Variants in UBASH3A observed in about 807,000 individuals in gnomAD.
The protein encoded by UBASH3A is ubiquitin associated and SH3 domain containing A, also known as ubiquitin-associated and SH3 domain-containing protein A.
A neutral mutation model predicts 73.5 loss-of-function variants in UBASH3A; 63 were observed. That is an observed-to-expected ratio of 0.86 (90% CI 0.70 to 1.06). UBASH3A has a LOEUF of 1.06. UBASH3A is among the 50% of genes least tolerant of loss of function. The probability of loss-of-function intolerance (pLI) is 0.00; values close to 1 mark genes in which losing one functional copy is unlikely to be tolerated. For synonymous variants in UBASH3A, 363 were observed against 351.1 expected, an observed-to-expected ratio of 1.03 and a Z score of -0.38; for missense variants, 860 against 859.0, an observed-to-expected ratio of 1.00 and a Z score of -0.02.
chr21:42,408,806 C>T (rs1361763845), intron 2 of UBASH3A, among the ~76,000 whole-genome samples: 1 of 151,398 alleles, frequency 6.6e-6, no homozygotes, highest in Non-Finnish European at 1.5e-5. Flanking sequence ...TTGCTTGAAC[C>T]GGAGAGGTGG....
At position 42,416,594 on chromosome 21, in the gene UBASH3A, C is replaced by A; in HGVS notation, c.820C>A (p.Arg274Ser). The A allele has an allele frequency of 1.9e-6, 3 of 1,595,148 alleles. No homozygotes were observed. Among genetic ancestry groups the A allele is most frequent in the Non-Finnish European group, 2.6e-6 (3 of 1,171,120 alleles). Reference protein sequence around the residue: ...WTAALYSRDMRFVHYQTLRAL... With the variant: ...WTAALYSRDMSFVHYQTLRAL... Reference sequence around the variant, plus strand: ...CGCAGCACTCTACTCCCGAGACATGCGCTTTGTGCACTACCAGGTGAGAGA... The same window carrying A: ...CGCAGCACTCTACTCCCGAGACATGAGCTTTGTGCACTACCAGGTGAGAGA... The change falls in exon 6 of 15, where the codon CGC (arginine) becomes AGC (serine). Residue 274 changes from arginine (R) to serine (S), a missense_variant. By Grantham distance (110) the Arg-to-Ser change is moderately radical. Transcript: ENST00000319294.
At chr21:42,443,472 C>G in intron 13 of UBASH3A, 54 bp downstream of exon 13, 1 of 1,461,858 alleles carries the variant, frequency 6.8e-7, no homozygotes, top group Non-Finnish European at 9.2e-7. Context: ...GGGGAATTAT[C>G]TCTGAGATGG....
rs186608231 is a variant in UBASH3A at position 42,416,437 on chromosome 21, C to T, written c.668-5C>T. The T allele has an allele frequency of 1.9e-6, 3 of 1,561,654 alleles. No homozygotes were observed. The African/African-American group carries it at 4.2e-5, about 22-fold the overall frequency. ...GGCACCCTCTGTGTTTCCCTGATTTCACAGACTGCTCCGTGAAGCCTTGCA... is the reference window on the plus strand; with the variant it reads ...GGCACCCTCTGTGTTTCCCTGATTTTACAGACTGCTCCGTGAAGCCTTGCA... On this transcript the variant is annotated splice_region_variant and splice_polypyrimidine_tract_variant and intron_variant, in intron 5 of 14. Coordinates refer to ENST00000319294, the MANE Select transcript of UBASH3A (RefSeq NM_018961.4).
chr21:42,444,204 T>A (rs2053805644), intron 13 of UBASH3A, among the ~76,000 whole-genome samples: 1 of 152,124 alleles, frequency 6.6e-6, no homozygotes, highest in African/African-American at 2.4e-5. Flanking sequence ...CTAAAGTGAA[T>A]CAGGTCTGGC....
chr21:42,437,043 A>G (rs1407913989), intron 10 of UBASH3A, among the ~76,000 whole-genome samples: 1 of 152,160 alleles, frequency 6.6e-6, no homozygotes. Flanking sequence ...CAGTGGGAGG[A>G]CTGAGGTCTG....
chr21:42,442,038 G>A (rs1295606099), intron 11 of UBASH3A, among the ~76,000 whole-genome samples: 1 of 152,142 alleles, frequency 6.6e-6, no homozygotes, highest in East Asian at 1.9e-4. Flanking sequence ...TGCCTCATGA[G>A]GCCAACATTC....
chr21:42,438,725 G>T (rs934265963), intron 11 of UBASH3A, among the ~76,000 whole-genome samples: 2 of 152,178 alleles, frequency 1.3e-5, no homozygotes, highest in East Asian at 3.9e-4. Flanking sequence ...GGTGATCTGA[G>T]TGAGGCTCAA....
At chr21:42,423,684 C>A (rs565560876) in intron 7 of UBASH3A, among the ~76,000 whole-genome samples, 8 of 152,344 alleles carry the variant, frequency 5.3e-5, no homozygotes, top group Non-Finnish European at 1.0e-4. Context: ...CATCAGACAC[C>A]TGCCATCAAC....
At position 42,418,629 on chromosome 21, in the gene UBASH3A, G is replaced by A; in HGVS notation, c.1046+20G>A. 1 of 1,604,918 alleles carries A rather than the reference G, an allele frequency of 6.2e-7. No individual in the cohort carries two copies. Among genetic ancestry groups the A allele is most frequent in the Non-Finnish European group, 8.5e-7 (1 of 1,174,658 alleles). The stretch of plus-strand genomic sequence containing the variant: ...GCACAGGTGAGTGCTGCCTCTGGCT[G>A]CAGCCCCGTCATCTCTCTCTGAGTT... On this transcript the variant is annotated intron_variant, in intron 7 of 14. Transcript: ENST00000319294.
At chr21:42,415,717 C>G (rs967727154) in intron 5 of UBASH3A, among the ~76,000 whole-genome samples, 39 of 152,208 alleles carry the variant, frequency 2.6e-4, no homozygotes, top group African/African-American at 8.9e-4. Context: ...CCCAGAGGCT[C>G]AGTCAAGGTC....
At chr21:42,418,375 G>A (rs367786889) in intron 6 of UBASH3A, 26 bp from the exon 7 acceptor site, 7 of 1,598,608 alleles carry the variant, frequency 4.4e-6, no homozygotes, top group African/African-American at 2.7e-5. Flanking sequence ...TGCTCGAGAC[G>A]TGAAACCCCT....
intron 3 of UBASH3A, among the ~76,000 whole-genome samples, chr21:42,411,525 A>C (rs1221134040): frequency 6.6e-6 from 1 of 152,080 alleles, no homozygotes; most frequent in Non-Finnish European, 1.5e-5. Context: ...AGACATACGC[A>C]GACACACAGA....
intron 8 of UBASH3A, among the ~76,000 whole-genome samples, chr21:42,428,340 G>A (rs771564987): frequency 2.0e-5 from 3 of 152,194 alleles, no homozygotes; most frequent in Non-Finnish European, 4.4e-5. Flanking sequence ...TTGGTGGCTA[G>A]GTGAGGAGGC....
At chr21:42,435,905 T>G (rs2053618315) in intron 10 of UBASH3A, among the ~76,000 whole-genome samples, 2 of 148,808 alleles carry the variant, frequency 1.3e-5, no homozygotes, top group Admixed American at 6.7e-5. Context: ...AGTTATAGAG[T>G]TATGGAGCCA....
intron 8 of UBASH3A, among the ~76,000 whole-genome samples, chr21:42,427,625 G>A (rs945094710): frequency 4.6e-5 from 7 of 152,136 alleles, no homozygotes; most frequent in East Asian, 1.9e-4. Flanking sequence ...GAAGCTTGTC[G>A]GAGAGCACAC....
chr21:42,417,878 CTTTTTTTTTTTTT>C (rs796939696), intron 6 of UBASH3A, among the ~76,000 whole-genome samples: 2 of 90,634 alleles, frequency 2.2e-5, no homozygotes, highest in Non-Finnish European at 4.2e-5. Flanking sequence ...TTCTTTTTTT[CTTTTTTTTTTTTT>C]TTTTTTTTTG....
At chr21:42,431,067 C>T (rs2053519885) in intron 8 of UBASH3A, among the ~76,000 whole-genome samples, 1 of 152,178 alleles carries the variant, frequency 6.6e-6, no homozygotes, top group African/African-American at 2.4e-5. Flanking sequence ...CTGGTGGCCT[C>T]TAGCTGGCTC....
At chr21:42,416,795 C>T (rs1477921713) in intron 6 of UBASH3A, among the ~76,000 whole-genome samples, 184 bp downstream of exon 6, 5 of 152,090 alleles carry the variant, frequency 3.3e-5, no homozygotes. Flanking sequence ...TAGCCAGGCA[C>T]GGCGGCGGGC....
intron 9 of UBASH3A, among the ~76,000 whole-genome samples, chr21:42,432,582 T>C (rs2053554289): frequency 6.6e-6 from 1 of 152,234 alleles, no homozygotes; most frequent in African/African-American, 2.4e-5. Flanking sequence ...TGATGATCAA[T>C]GTCCACATCA....
Sources: allele counts gnomAD v4.1 joint callset (sites outside exome capture counted in the v4.1 genomes callset), GRCh38; gene constraint gnomAD v4.1.1; transcripts MANE v1.5; gene names NCBI Gene and HGNC (gene_info 2026-07-23, HGNC 2026-07-21).